PMS1: variants seen among roughly 807,000 people sequenced by gnomAD.
PMS1 encodes PMS1 homolog 1, mismatch repair system component.
A neutral mutation model predicts 93.1 loss-of-function variants in PMS1; 79 were observed. The observed-to-expected ratio is 0.85, with a 90% CI of 0.71 to 1.02. The LOEUF is 1.02. Among genes scored for constraint, PMS1 ranks in the 50% least tolerant of loss-of-function variants. The pLI is 0.00. For missense variants in PMS1, 1,064 were observed against 1,085.3 expected, an observed-to-expected ratio of 0.98 and a Z score of 0.28; for synonymous variants, 335 against 363.4, an observed-to-expected ratio of 0.92 and a Z score of 0.89.
chr2:189,817,783 A>T (rs1235893901), intron 4 of PMS1, among the ~76,000 whole-genome samples: 2 of 152,202 alleles, frequency 1.3e-5, no homozygotes, highest in African/African-American at 2.4e-5. Context: ...TAGAAGTAAG[A>T]TTATACTTCT....
chr2:189,833,082 T>C (rs902116510), intron 5 of PMS1, among the ~76,000 whole-genome samples: 3 of 152,180 alleles, frequency 2.0e-5, no homozygotes, highest in Admixed American at 2.0e-4. Context: ...TTTTTAAAAT[T>C]CATCCCCAAT....
chr2:189,797,570 T>C (rs2049472573), intron 3 of PMS1, among the ~76,000 whole-genome samples: 1 of 152,174 alleles, frequency 6.6e-6, no homozygotes, highest in Admixed American at 6.6e-5. Context: ...TGAGGGTCTC[T>C]TGAGTTATTG....
At position 189,844,129 on chromosome 2, in the gene PMS1, G is replaced by C. The variant is rs2054044111; in HGVS notation, c.699+49G>C. On this transcript the variant is annotated intron_variant, in intron 6 of 12. Coordinates refer to ENST00000441310, the MANE Select transcript of PMS1 (RefSeq NM_000534.5). Reference sequence around the variant, plus strand: ...ATAATTCTGATTTACTCATGAAGCTGTTCACATATTTCCCTTTGGGGGAGT... The same window carrying C: ...ATAATTCTGATTTACTCATGAAGCTCTTCACATATTTCCCTTTGGGGGAGT... 3.7e-6 allele frequency: 6 copies of C among 1,609,004 alleles called. No homozygotes were observed. In the African/African-American group the frequency reaches 4.0e-5, roughly 11 times the overall value.
intron 9 of PMS1, among the ~76,000 whole-genome samples, 166 bp from the exon 10 acceptor site, chr2:189,863,577 T>A (rs1177685454): frequency 6.6e-6 from 1 of 152,174 alleles, no homozygotes; most frequent in African/African-American, 2.4e-5. Context: ...TTTTATATTT[T>A]GTTCAGTGTT....
chr2:189,844,739 T>C (rs1321470490), intron 6 of PMS1, among the ~76,000 whole-genome samples: 1 of 152,020 alleles, frequency 6.6e-6, no homozygotes, highest in African/African-American at 2.4e-5. Context: ...GATAGTACTT[T>C]TTTACTCCCT....
intron 9 of PMS1, among the ~76,000 whole-genome samples, chr2:189,856,716 C>T (rs1367962824): frequency 6.6e-6 from 1 of 152,094 alleles, no homozygotes. Flanking sequence ...TTCAAGTTCT[C>T]ATGGAAATAG....
chr2:189,808,571 TC>T (rs1335871201), intron 4 of PMS1, among the ~76,000 whole-genome samples: 1 of 152,076 alleles, frequency 6.6e-6, no homozygotes, highest in Non-Finnish European at 1.5e-5. Flanking sequence ...CCTCAAGAAA[TC>T]TGCCCTCCTC....
intron 10 of PMS1, among the ~76,000 whole-genome samples, chr2:189,865,940 A>C (rs1189641959): frequency 2.0e-5 from 3 of 152,360 alleles, no homozygotes; most frequent in African/African-American, 7.2e-5. Context: ...CACTGCCATC[A>C]TTGGAGGAGA....
chr2:189,872,983 G>A (rs2057282542), intron 11 of PMS1, among the ~76,000 whole-genome samples: 1 of 152,120 alleles, frequency 6.6e-6, no homozygotes, highest in Non-Finnish European at 1.5e-5. Context: ...CAGTTAACAT[G>A]TCAGTTTTAT....
rs761879899 is a variant in PMS1 at position 189,791,921 on chromosome 2, ACAAGCG to A, written c.113_118del (p.Thr38_Val40delinsIle). Reference sequence around the variant, plus strand: ...TGAAAACTCCTTGGATGCTGGTGCCACAAGCGTAGATGTTAAACTGGTGAGTGTCCT... The same window carrying A: ...TGAAAACTCCTTGGATGCTGGTGCCATAGATGTTAAACTGGTGAGTGTCCT... On this transcript the variant is annotated inframe_deletion, in exon 2 of 13. Transcript: ENST00000441310. 8 of 1,613,942 alleles carry A rather than the reference ACAAGCG, an allele frequency of 5.0e-6. No homozygotes were observed. The highest frequency in any genetic ancestry group is 5.1e-6 in the Non-Finnish European group (6 of 1,179,924).
At chr2:189,799,339 C>T (rs945101435) in intron 3 of PMS1, among the ~76,000 whole-genome samples, 1 of 151,896 alleles carries the variant, frequency 6.6e-6, no homozygotes, top group Non-Finnish European at 1.5e-5. Flanking sequence ...TGTATGCATG[C>T]ACACACACAC....
At chr2:189,844,120 C>T in intron 6 of PMS1, 40 bp downstream of exon 6, 5 of 1,610,534 alleles carry the variant, frequency 3.1e-6, no homozygotes, top group Non-Finnish European at 4.2e-6. Context: ...CTGATTTACT[C>T]ATGAAGCTGT....
At chr2:189,820,270 C>G (rs1345041785) in intron 5 of PMS1, among the ~76,000 whole-genome samples, 1 of 151,502 alleles carries the variant, frequency 6.6e-6, no homozygotes, top group Admixed American at 6.6e-5. Context: ...AACATGCCTT[C>G]AGAGTGCTTT....
At chr2:189,854,129 A>G in intron 8 of PMS1, 47 bp downstream of exon 8, 1 of 1,412,000 alleles carries the variant, frequency 7.1e-7, no homozygotes, top group Non-Finnish European at 9.7e-7. Flanking sequence ...ATAAACATAT[A>G]TTACTGTTTT....
At chr2:189,822,671 T>G (rs1275102433) in intron 5 of PMS1, among the ~76,000 whole-genome samples, 1 of 152,198 alleles carries the variant, frequency 6.6e-6, no homozygotes, top group East Asian at 1.9e-4. Context: ...TCGTTAGTGA[T>G]GAATGCAGAG....
rs577703785 is a variant in PMS1, at chr2:189,812,612, C to CTTTTCAAAA, written c.419-5405_419-5404insTTTTCAAAA. 1.4e-3 allele frequency among the ~76,000 whole-genome samples: 219 copies of CTTTTCAAAA among 152,118 alleles called. 2 individuals carry two copies. The South Asian group carries it at 0.021, about 15-fold the overall frequency. ...GAGTTTATCACACAGAAAAGTAAAACGCATGACAAAAACTTTACAAAAGGT... is the reference window on the plus strand; with the variant it reads ...GAGTTTATCACACAGAAAAGTAAAACTTTTCAAAAGCATGACAAAAACTTTACAAAAGGT... On this transcript the variant is annotated intron_variant, in intron 4 of 12. Coordinates refer to ENST00000441310, the MANE Select transcript of PMS1 (RefSeq NM_000534.5).
intron 1 of PMS1, chr2:189,784,856 C>A (rs1899025): frequency 6.6e-6 from 1 of 152,162 alleles, no homozygotes; most frequent in African/African-American, 2.4e-5. Flanking sequence ...AATTTGTTTT[C>A]CAGGCAGCAG....
At chr2:189,800,723 T>C (rs967391585) in intron 3 of PMS1, among the ~76,000 whole-genome samples, 17 of 152,218 alleles carry the variant, frequency 1.1e-4, no homozygotes, top group African/African-American at 3.6e-4. Flanking sequence ...TTTAAAGTCA[T>C]AGAGTTGTAA....
In PMS1 at chr2:189,877,286, T is replaced by A. The variant is rs748840882; in HGVS notation, c.2649T>A (p.Arg883=). The A allele has an allele frequency of 4.3e-6, 7 of 1,613,714 alleles. No homozygotes were observed. In the South Asian group the frequency reaches 7.7e-5, roughly 18 times the overall value. ...CCTTTGGACAGGGAGAAGCAGTGCG[T>A]CTATCCAGACAATTACCCATGTACT... ...VISYLEGEAV[R]LSRQLPMYLS... Residue 883 remains arginine (R), a synonymous_variant, in exon 13 of 13, where the codon CGT becomes CGA. Coordinates refer to ENST00000441310, the MANE Select transcript of PMS1 (RefSeq NM_000534.5).
Sources: allele counts gnomAD v4.1 joint callset (sites outside exome capture counted in the v4.1 genomes callset), GRCh38; gene constraint gnomAD v4.1.1; transcripts MANE v1.5; gene names NCBI Gene and HGNC (gene_info 2026-07-23, HGNC 2026-07-21).